Variants in LCLAT1 observed in about 807,000 individuals in gnomAD.
LCLAT1 encodes lysocardiolipin acyltransferase 1, also known as 1-AGP acyltransferase 8.
In LCLAT1, 11 loss-of-function variants were observed where a neutral mutation model predicts 30.7. The ratio of observed to expected loss-of-function variants is 0.36; its 90% CI spans 0.23 to 0.59. The LOEUF (loss-of-function observed/expected upper bound fraction) is 0.59. Among genes scored for constraint, LCLAT1 ranks in the 20% least tolerant of loss-of-function variants. LCLAT1 has a pLI of 0.77. For synonymous variants in LCLAT1, 155 were observed against 151.3 expected, an observed-to-expected ratio of 1.02 and a Z score of -0.18; for missense variants, 402 against 458.6, an observed-to-expected ratio of 0.88 and a Z score of 1.13.
intron 1 of LCLAT1, among the ~76,000 whole-genome samples, chr2:30,452,215 G>GTA (rs984409082): frequency 9.2e-5 from 14 of 151,814 alleles, no homozygotes; most frequent in Admixed American, 3.9e-4. Flanking sequence ...GCACTTTATT[G>GTA]TATATATATA....
chr2:30,633,243 A>G (rs1011245988), intron 5 of LCLAT1, among the ~76,000 whole-genome samples: 3 of 152,200 alleles, frequency 2.0e-5, no homozygotes, highest in Non-Finnish European at 4.4e-5. Flanking sequence ...CAGCCTCAGC[A>G]TTTCCTTTCA....
intron 3 of LCLAT1, among the ~76,000 whole-genome samples, chr2:30,545,597 T>C (rs961304863): frequency 6.6e-6 from 1 of 152,166 alleles, no homozygotes; most frequent in African/African-American, 2.4e-5. Context: ...TTTGTTAAAT[T>C]AACTAAACTG....
intron 5 of LCLAT1, among the ~76,000 whole-genome samples, chr2:30,570,017 C>T (rs955889079): frequency 5.9e-5 from 9 of 152,132 alleles, no homozygotes; most frequent in African/African-American, 2.2e-4. Flanking sequence ...CTTAGACTCA[C>T]CCTTCTCATT....
chr2:30,598,559 T>TA (rs1164393714), intron 5 of LCLAT1, among the ~76,000 whole-genome samples: 1 of 152,160 alleles, frequency 6.6e-6, no homozygotes, highest in Non-Finnish European at 1.5e-5. Flanking sequence ...TTAGTCTAGC[T>TA]AGCAGTCTAT....
chr2:30,620,311 C>T (rs994362189), intron 5 of LCLAT1, among the ~76,000 whole-genome samples: 4 of 152,118 alleles, frequency 2.6e-5, no homozygotes, highest in Non-Finnish European at 4.4e-5. Context: ...TCATCCCAGC[C>T]GTGTGAACTA....
At position 30,643,945 on chromosome 2, in the gene LCLAT1, A is replaced by G. The variant is rs1669438888; in HGVS notation, c.*3326A>G. On this transcript the variant is annotated 3_prime_UTR_variant, in exon 6 of 6. Coordinates refer to ENST00000379509, the MANE Select transcript of LCLAT1 (RefSeq NM_001002257.3). ...CATGCTGAGGTAGTGGTTGCCTTAG[A>G]GCTGTTATTTATGCTGTAGAAAACG... is the stretch of plus-strand genomic sequence containing the variant. 3 of 152,760 alleles carry G rather than the reference A, an allele frequency of 2.0e-5. 1 individual carries two copies. In the South Asian group the frequency reaches 6.2e-4, roughly 32 times the overall value. 9.5% of individuals were successfully genotyped at this position (152,760 alleles called of 1,614,324 possible).
intron 1 of LCLAT1, chr2:30,476,475 G>A (rs573120852): frequency 1.1e-5 from 5 of 456,614 alleles, no homozygotes; most frequent in South Asian, 7.7e-5. Context: ...GATTCTTACA[G>A]GAACGCAGGC....
intron 1 of LCLAT1, among the ~76,000 whole-genome samples, chr2:30,509,646 A>G (rs1684844066): frequency 6.6e-6 from 1 of 151,648 alleles, no homozygotes; most frequent in Non-Finnish European, 1.5e-5. Context: ...GATCACTGCA[A>G]CCTCTGCCTC....
At chr2:30,511,930 G>A (rs1396690011) in intron 1 of LCLAT1, among the ~76,000 whole-genome samples, 1 of 152,198 alleles carries the variant, frequency 6.6e-6, no homozygotes, top group Non-Finnish European at 1.5e-5. Context: ...AGTACCTGAT[G>A]CTTCCGCCTC....
chr2:30,592,886 G>A (rs941880535), intron 5 of LCLAT1, among the ~76,000 whole-genome samples: 2 of 152,026 alleles, frequency 1.3e-5, no homozygotes, highest in African/African-American at 2.4e-5. Context: ...CAGAATAATT[G>A]GACTGTCACC....
At chr2:30,621,796 G>A (rs1302189565) in intron 5 of LCLAT1, among the ~76,000 whole-genome samples, 1 of 152,066 alleles carries the variant, frequency 6.6e-6, no homozygotes, top group Non-Finnish European at 1.5e-5. Flanking sequence ...TTTCTCACAG[G>A]GGTCCTTGGG....
intron 5 of LCLAT1, among the ~76,000 whole-genome samples, chr2:30,615,799 G>C (rs980461620): frequency 5.9e-5 from 9 of 152,140 alleles, no homozygotes; most frequent in African/African-American, 2.2e-4. Flanking sequence ...ATCTGGGAAA[G>C]GTACATTATA....
chr2:30,510,848 T>G (rs1232728625), intron 1 of LCLAT1, among the ~76,000 whole-genome samples: 1 of 152,184 alleles, frequency 6.6e-6, no homozygotes, highest in Non-Finnish European at 1.5e-5. Context: ...GCTAATCATT[T>G]TTGCTGTTTT....
At chr2:30,610,153 G>A (rs529763334) in intron 5 of LCLAT1, among the ~76,000 whole-genome samples, 1 of 151,624 alleles carries the variant, frequency 6.6e-6, no homozygotes, top group South Asian at 2.1e-4. Context: ...AAAGGTTTTA[G>A]TTTACTAATT....
intron 5 of LCLAT1, chr2:30,606,148 A>G (rs1303435601): frequency 7.3e-6 from 5 of 680,436 alleles, no homozygotes; most frequent in Non-Finnish European, 1.1e-5. Flanking sequence ...CAATATCGTG[A>G]AATTGGCCAT....
intron 3 of LCLAT1, among the ~76,000 whole-genome samples, chr2:30,543,095 CTG>C (rs1664227949): frequency 6.6e-6 from 1 of 151,774 alleles, no homozygotes; most frequent in Non-Finnish European, 1.5e-5. Flanking sequence ...ATAATGCTAA[CTG>C]TAGATTTTTC....
chr2:30,549,764 T>A (rs1664597094), intron 3 of LCLAT1, among the ~76,000 whole-genome samples: 1 of 152,202 alleles, frequency 6.6e-6, no homozygotes, highest in Non-Finnish European at 1.5e-5. Flanking sequence ...TTGTAAGACC[T>A]GGGGGAAAAT....
chr2:30,460,864 A>G (rs829571), intron 1 of LCLAT1, among the ~76,000 whole-genome samples: 33,693 of 152,060 alleles, frequency 0.22, 3,826 homozygotes, highest in East Asian at 0.35. Context: ...ATGAAGCCCC[A>G]TATAAAAACC....
chr2:30,523,566 C>T (rs1307732660), intron 1 of LCLAT1, among the ~76,000 whole-genome samples: 1 of 152,176 alleles, frequency 6.6e-6, no homozygotes, highest in Non-Finnish European at 1.5e-5. Flanking sequence ...TGTCAAGTAT[C>T]AGTAGAAATT....
Sources: gnomAD v4.1 joint callset for allele counts (sites outside exome capture counted in the v4.1 genomes callset) on GRCh38, gnomAD v4.1.1 for gene constraint, MANE v1.5 for transcripts, NCBI Gene and HGNC (gene_info 2026-07-23, HGNC 2026-07-21) for gene names.